F8: variants seen among roughly 807,000 people sequenced by gnomAD.
The protein encoded by F8 is coagulation factor VIII.
Under a neutral mutation model 140.6 loss-of-function variants are expected in F8, and 12 were observed. That is an observed-to-expected ratio of 0.09 (90% CI 0.05 to 0.14). The LOEUF is 0.14. Ranked by LOEUF, F8 falls within the 10% of genes least tolerant of loss-of-function variation. F8 has a pLI of 1.00. For missense variants in F8, 1,354 were observed against 1,720.7 expected (o/e 0.79, Z 3.77); for synonymous variants, 585 against 614.6 (o/e 0.95, Z 0.71).
chrX:154,976,053 G>T (rs1275971120), intron 6 of F8, among the ~76,000 whole-genome samples: 1 of 110,830 alleles, frequency 9.0e-6, no homozygotes, highest in Non-Finnish European at 1.9e-5. Context: ...CTGCCACCAT[G>T]CTTGGTTAAT....
At position 154,855,680 on chromosome X, in the gene F8, C is replaced by A. The variant is rs143432440; in HGVS notation, c.6900+4752G>T. On this transcript the variant is annotated intron_variant, in intron 25 of 25. Transcript: ENST00000360256. ...CTCCAGTCTAAGTGGATTAACCCTG[C>A]ACTGCCTGAGGAAACTGTAATGGCT... Among the ~76,000 whole-genome samples, 938 of 110,918 alleles carry A rather than the reference C, an allele frequency of 8.5e-3. 10 individuals are homozygous for A. The highest frequency in any genetic ancestry group is 0.029 in the African/African-American group (887 of 30,478).
rs782297183 is a variant in F8, at chrX:154,970,654, T to C, written c.788-1102A>G. On this transcript the variant is annotated intron_variant, in intron 6 of 25. Transcript: ENST00000360256. Reference sequence around the variant, plus strand: ...AAAGTCCAGACTCTCTACTAAGGACTAGAAGGCCCCAATAGGTTTGATTCC... The same window carrying C: ...AAAGTCCAGACTCTCTACTAAGGACCAGAAGGCCCCAATAGGTTTGATTCC... 8.9e-5 allele frequency among the ~76,000 whole-genome samples: 10 copies of C among 111,744 alleles called. No homozygotes were observed. The South Asian group carries it at 2.2e-3, about 25-fold the overall frequency.
intron 25 of F8, among the ~76,000 whole-genome samples, chrX:154,840,128 C>A (rs2072509169): frequency 8.9e-6 from 1 of 111,873 alleles, no homozygotes; most frequent in African/African-American, 3.3e-5. Flanking sequence ...ATAAAGGTAA[C>A]CCTTTCCCTT....
chrX:155,009,737 A>AAAATAAAT lies in F8; in HGVS notation c.144-10145_144-10138dup, dbSNP rs782614308. ...GGGATAGAGTTAGACTCTGTCTCAA[A>AAAATAAAT]AAATAAATAAATAAATAAATAAATA... On this transcript the variant is annotated intron_variant, in intron 1 of 25. Coordinates refer to ENST00000360256, the MANE Select transcript of F8 (RefSeq NM_000132.4). 4.1e-4 allele frequency among the ~76,000 whole-genome samples: 45 copies of AAAATAAAT among 110,832 alleles called. No individual in the cohort carries two copies. In the East Asian group the frequency reaches 0.012, roughly 30 times the overall value.
Position 154,931,551 on chromosome X carries a change from C to G in F8, c.2239G>C (p.Ala747Pro). 1 of 1,210,880 alleles carries G rather than the reference C, an allele frequency of 8.3e-7. No individual in the cohort carries two copies. Among genetic ancestry groups the G allele is most frequent in the Non-Finnish European group, 1.1e-6 (1 of 894,747 alleles). Residue 747 changes from alanine (A) to proline (P), a missense_variant, in exon 14 of 26, where the codon GCA becomes CCA. Coordinates refer to ENST00000360256, the MANE Select transcript of F8 (RefSeq NM_000132.4). ...GCATTGTTTTTACTCAGCAAGTATG[C>G]TGAAATATCTTCATAACTGTCCTCG... ...YYEDSYEDIS[A>P]YLLSKNNAIE...
chrX:155,022,541 C>T lies in F8; in HGVS notation c.12G>A (p.Glu4=). 1.7e-6 allele frequency: 2 copies of T among 1,211,775 alleles called. No homozygotes were observed. The highest frequency in any genetic ancestry group is 2.2e-6 in the Non-Finnish European group (2 of 895,410). Residue 4 remains glutamate, a synonymous_variant, in exon 1 of 26, where the codon GAG becomes GAA. Coordinates refer to ENST00000360256, the MANE Select transcript of F8 (RefSeq NM_000132.4). MQI[E]LSTCFFLCLL... Reference sequence around the variant, plus strand: ...GGCACAGAAAGAAGCAGGTGGAGAGCTCTATTTGCATGACTTATTGCTACA... The same window carrying T: ...GGCACAGAAAGAAGCAGGTGGAGAGTTCTATTTGCATGACTTATTGCTACA...
chrX:154,909,031 G>A (rs2073051823), intron 14 of F8: 5 of 222,025 alleles, frequency 2.3e-5, no homozygotes, highest in East Asian at 1.4e-4. Context: ...AGCTGCTTCC[G>A]TTGGCGAGTC....
At chrX:154,964,487 C>T (rs906817196) in intron 9 of F8, among the ~76,000 whole-genome samples, 6 of 111,347 alleles carry the variant, frequency 5.4e-5, no homozygotes, top group African/African-American at 1.6e-4. Context: ...AAACATATCA[C>T]AAAGTTGAAG....
intron 22 of F8, among the ~76,000 whole-genome samples, chrX:154,875,434 T>C (rs2072803816): frequency 8.9e-6 from 1 of 112,056 alleles, no homozygotes; most frequent in South Asian, 3.7e-4. Context: ...TGGTGACCAT[T>C]TCACAATGTA....
At chrX:154,912,082 A>G (rs1348063307) in intron 14 of F8, among the ~76,000 whole-genome samples, 1 of 111,550 alleles carries the variant, frequency 9.0e-6, no homozygotes, top group Non-Finnish European at 1.9e-5. Flanking sequence ...TGAGTTCCTT[A>G]TATATTCTGG....
At chrX:154,977,956 T>C (rs1423864895) in intron 6 of F8, among the ~76,000 whole-genome samples, 2 of 110,711 alleles carry the variant, frequency 1.8e-5, no homozygotes, top group African/African-American at 6.5e-5. Context: ...TTTTTAAAAT[T>C]CTTTTTTCTT....
chrX:154,845,275 A>C (rs1350126147), intron 25 of F8, among the ~76,000 whole-genome samples: 1 of 111,638 alleles, frequency 9.0e-6, no homozygotes, highest in Non-Finnish European at 1.9e-5. Flanking sequence ...TTTCTCTGCC[A>C]GGCTTTGGTA....
intron 25 of F8, among the ~76,000 whole-genome samples, chrX:154,859,427 C>T (rs1031502340): frequency 2.8e-5 from 3 of 107,954 alleles, no homozygotes; most frequent in African/African-American, 1.0e-4. Flanking sequence ...CTCAGCCTCC[C>T]GAGTAGCTGG....
chrX:154,971,392 A>T (rs2073455774), intron 6 of F8, among the ~76,000 whole-genome samples: 1 of 110,994 alleles, frequency 9.0e-6, no homozygotes, highest in Non-Finnish European at 1.9e-5. Context: ...TATTTTTTTA[A>T]CTGTATTACT....
chrX:154,877,384 T>C (rs980095556), intron 22 of F8, among the ~76,000 whole-genome samples: 5 of 111,940 alleles, frequency 4.5e-5, no homozygotes, highest in South Asian at 7.5e-4. Context: ...TACTTAAGAA[T>C]AGTCACAAAG....
rs782558783 is a variant in F8, at chrX:154,863,254, A to G, written c.6430-27T>C. On this transcript the variant is annotated intron_variant, in intron 22 of 25. Transcript: ENST00000360256. ...TGTATGGAGAGATTAGCACAAATAC[A>G]TGGAAAGTGAATACAGAGTAAAAAG... The G allele has an allele frequency of 1.6e-5, 19 of 1,194,241 alleles. No individual in the cohort carries two copies. In the South Asian group the frequency reaches 3.2e-4, roughly 20 times the overall value.
At chrX:154,846,302 C>T (rs1175032772) in intron 25 of F8, among the ~76,000 whole-genome samples, 1 of 111,791 alleles carries the variant, frequency 8.9e-6, no homozygotes. Flanking sequence ...ATTAGGTCCG[C>T]TTGCTGCAGA....
At chrX:154,893,536 G>A (rs2072960339) in intron 22 of F8, among the ~76,000 whole-genome samples, 2 of 111,621 alleles carry the variant, frequency 1.8e-5, no homozygotes, top group Admixed American at 1.9e-4. Flanking sequence ...CCTTGAATCT[G>A]GGTGGATATG....
chrX:154,981,227 C>T (rs1557283522), intron 6 of F8, among the ~76,000 whole-genome samples: 1 of 111,136 alleles, frequency 9.0e-6, no homozygotes, highest in African/African-American at 3.3e-5. Flanking sequence ...TGGTTTTACT[C>T]GTCTTTGCAG....
Sources: gnomAD v4.1 joint callset for allele counts (sites outside exome capture counted in the v4.1 genomes callset) on GRCh38, gnomAD v4.1.1 for gene constraint, MANE v1.5 for transcripts, NCBI Gene and HGNC (gene_info 2026-07-23, HGNC 2026-07-21) for gene names.